The following COLQ variants were observed in gnomAD, a reference collection of about 807,000 sequenced individuals.
COLQ encodes the protein acetylcholinesterase collagenic tail peptide.
In COLQ, 48 loss-of-function variants were observed where a neutral mutation model predicts 69.0. The ratio of observed to expected loss-of-function variants is 0.70; its 90% CI spans 0.55 to 0.88. The LOEUF is 0.88. Ranked by LOEUF, COLQ falls within the 40% of genes least tolerant of loss-of-function variation. The pLI is 0.00. For missense variants in COLQ, 618 were observed against 594.6 expected (o/e 1.04, Z -0.41); for synonymous variants, 217 against 211.2 (o/e 1.03, Z -0.24).
intron 12 of COLQ, among the ~76,000 whole-genome samples, chr3:15,460,551 C>T (rs1017146881): frequency 2.6e-5 from 4 of 152,140 alleles, no homozygotes; most frequent in African/African-American, 4.8e-5. Context: ...AATAAAATGA[C>T]CCCAGGGGAG....
At chr3:15,499,360 G>A (rs960718328) in intron 1 of COLQ, among the ~76,000 whole-genome samples, 21 of 152,184 alleles carry the variant, frequency 1.4e-4, no homozygotes, top group African/African-American at 4.6e-4. Context: ...AAGCACTGTT[G>A]TTTTGATCAG....
chr3:15,458,227 C>A lies in COLQ; in HGVS notation c.913G>T (p.Gly305Trp). The change falls in exon 13 of 17, where the codon GGG becomes TGG. Residue 305 changes from glycine to tryptophan, a missense_variant. Transcript: ENST00000383788. The stretch of plus-strand genomic sequence containing the variant: ...GAACTGGGCCCATACACAGATTCCC[C>A]GTAGGAAGGGTTATTCACATTCATA... ...PTMNVNNPSY[G>W]ESVYGPSSPR... 6.2e-7 allele frequency: 1 copy of A among 1,614,078 alleles called. No individual in the cohort carries two copies. Among genetic ancestry groups the A allele is most frequent in the Middle Eastern group, 1.7e-4 (1 of 6,024 alleles).
chr3:15,516,374 C>G (rs1283177394), intron 1 of COLQ, among the ~76,000 whole-genome samples: 2 of 152,170 alleles, frequency 1.3e-5, no homozygotes, highest in Non-Finnish European at 2.9e-5. Context: ...AATGCCTGCC[C>G]TGGGTTACAT....
At chr3:15,470,856 G>A (rs2062272248) in intron 10 of COLQ, among the ~76,000 whole-genome samples, 1 of 152,206 alleles carries the variant, frequency 6.6e-6, no homozygotes, top group Admixed American at 6.5e-5. Flanking sequence ...TTACCTGAGA[G>A]GGACAGGTGT....
intron 16 of COLQ, among the ~76,000 whole-genome samples, chr3:15,453,469 C>T (rs1158301771): frequency 6.6e-6 from 1 of 152,210 alleles, no homozygotes; most frequent in African/African-American, 2.4e-5. Context: ...TTACTCTCCA[C>T]TGGGCTTCCC....
At chr3:15,464,215 A>G (rs1370933918) in intron 12 of COLQ, among the ~76,000 whole-genome samples, 1 of 152,180 alleles carries the variant, frequency 6.6e-6, no homozygotes, top group Non-Finnish European at 1.5e-5. Context: ...AGAAAGAGAC[A>G]GGTCTCAGAA....
intron 16 of COLQ, among the ~76,000 whole-genome samples, chr3:15,453,602 G>C (rs984750677): frequency 7.2e-5 from 11 of 152,188 alleles, no homozygotes; most frequent in Non-Finnish European, 1.5e-4. Flanking sequence ...GATGGAGCAG[G>C]TGGCTGTGGG....
intron 1 of COLQ, among the ~76,000 whole-genome samples, chr3:15,509,281 A>G (rs902886917): frequency 5.3e-5 from 8 of 152,244 alleles, no homozygotes; most frequent in African/African-American, 1.9e-4. Context: ...CATGCAAGAC[A>G]GATGCCATGT....
At position 15,455,882 on chromosome 3, in the gene COLQ, G is replaced by C. The variant is rs2062017303; in HGVS notation, c.1195+17C>G. ...GCTGTTCAGGCCTCAGGTCCTCCTG[G>C]TCTGGGCCTCACTCACGGATGCAGT... On this transcript the variant is annotated intron_variant, in intron 15 of 16. Transcript: ENST00000383788. 1 of 1,613,894 alleles carries C rather than the reference G, an allele frequency of 6.2e-7. No homozygotes were observed. Among genetic ancestry groups the C allele is most frequent in the Non-Finnish European group, 8.5e-7 (1 of 1,179,964 alleles).
At chr3:15,475,303 C>A in intron 7 of COLQ, 122 bp downstream of exon 7, 1 of 1,000,564 alleles carries the variant, frequency 1.0e-6, no homozygotes. Context: ...GGCAGGCTCT[C>A]CAATATCCGC....
chr3:15,478,972 C>G lies in COLQ; in HGVS notation c.393+5G>C. ...GTGACACTCACAGAACAGCGCAGAC[C>G]ATACCTTCCTTCCTGGTCGGCCAAG... is the stretch of plus-strand genomic sequence containing the variant. On this transcript the variant is annotated splice_donor_5th_base_variant and intron_variant, in intron 5 of 16. Coordinates refer to ENST00000383788, the MANE Select transcript of COLQ (RefSeq NM_005677.4). The G allele has an allele frequency of 2.5e-6, 4 of 1,614,170 alleles. No homozygotes were observed. Among genetic ancestry groups the G allele is most frequent in the Non-Finnish European group, 3.4e-6 (4 of 1,180,022 alleles).
chr3:15,480,555 C>T (rs1237950656), intron 3 of COLQ, among the ~76,000 whole-genome samples: 1 of 152,100 alleles, frequency 6.6e-6, no homozygotes, highest in Non-Finnish European at 1.5e-5. Flanking sequence ...TGTATATGTG[C>T]CACATTTTCT....
chr3:15,473,068 G>A lies in COLQ; in HGVS notation c.636+932C>T, dbSNP rs1382422592. Among the ~76,000 whole-genome samples, 1 of 151,336 alleles carries A rather than the reference G, an allele frequency of 6.6e-6. No homozygotes were observed. Among genetic ancestry groups the A allele is most frequent in the Non-Finnish European group, 1.5e-5 (1 of 67,920 alleles). Reference sequence around the variant, plus strand: ...GATGAGATAGTACTATATTGCCCAAGCTGAGTATTTTTTTCTTTAAGTTAC... The same window carrying A: ...GATGAGATAGTACTATATTGCCCAAACTGAGTATTTTTTTCTTTAAGTTAC... On this transcript the variant is annotated intron_variant, in intron 10 of 16. Coordinates refer to ENST00000383788, the MANE Select transcript of COLQ (RefSeq NM_005677.4). The surrounding 1 kb of genome is among the most constrained non-coding windows in gnomAD (Gnocchi z 4.0).
At chr3:15,477,088 T>C (rs1262105192) in intron 6 of COLQ, 38 bp downstream of exon 6, 2 of 1,566,694 alleles carry the variant, frequency 1.3e-6, no homozygotes, top group Non-Finnish European at 8.7e-7. Context: ...CCCTCTTGTT[T>C]TGACACCGCA....
At position 15,450,516 on chromosome 3, in the gene COLQ, C is replaced by G. The variant is rs1258036715; in HGVS notation, c.*1128G>C. On this transcript the variant is annotated 3_prime_UTR_variant, in exon 17 of 17. Coordinates refer to ENST00000383788, the MANE Select transcript of COLQ (RefSeq NM_005677.4). ...TGTCTTTCCAGAATAAAACTAAGCCCTACTCAGGAAAAATGGTGATGAAAG... is the reference window on the plus strand; with the variant it reads ...TGTCTTTCCAGAATAAAACTAAGCCGTACTCAGGAAAAATGGTGATGAAAG... The G allele has an allele frequency of 6.5e-6, 1 of 153,744 alleles. No homozygotes were observed. Among genetic ancestry groups the G allele is most frequent in the Non-Finnish European group, 1.5e-5 (1 of 68,060 alleles). 9.5% of individuals were successfully genotyped at this position (153,744 alleles called of 1,614,324 possible).
At chr3:15,513,728 G>C (rs1315147877) in intron 1 of COLQ, among the ~76,000 whole-genome samples, 1 of 152,148 alleles carries the variant, frequency 6.6e-6, no homozygotes, top group Non-Finnish European at 1.5e-5. Context: ...ACACCACGGT[G>C]CCTTTGATTC....
intron 11 of COLQ, chr3:15,468,026 T>C (rs1373231309): frequency 1.3e-5 from 6 of 452,574 alleles, no homozygotes; most frequent in African/African-American, 1.0e-4. Flanking sequence ...GGTCTCAGGA[T>C]GGCAAAGGAA....
At chr3:15,458,081 G>C in intron 13 of COLQ, 105 bp downstream of exon 13, 1 of 1,290,252 alleles carries the variant, frequency 7.8e-7, no homozygotes, top group Non-Finnish European at 1.1e-6. Context: ...ACTCAGAGTC[G>C]TGAAAAAAAG....
At chr3:15,465,793 C>T (rs1248480772) in intron 12 of COLQ, among the ~76,000 whole-genome samples, 17 of 151,434 alleles carry the variant, frequency 1.1e-4, no homozygotes, top group Admixed American at 7.2e-4. Flanking sequence ...AAAAACAGAA[C>T]GGTTTTTGCC....
Sources: allele counts gnomAD v4.1 joint callset (sites outside exome capture counted in the v4.1 genomes callset), GRCh38; gene constraint gnomAD v4.1.1; non-coding constraint Gnocchi (gnomAD v3.1); transcripts MANE v1.5; gene names NCBI Gene and HGNC (gene_info 2026-07-23, HGNC 2026-07-21).